The following RAB44 variants were observed in gnomAD, a reference collection of about 807,000 sequenced individuals.
RAB44 encodes the protein ras-related protein Rab-44.
RAB44 carries 67 observed loss-of-function variants against 93.3 expected under a neutral mutation model. The observed-to-expected ratio is 0.72, with a 90% CI of 0.59 to 0.88. The LOEUF (loss-of-function observed/expected upper bound fraction) is 0.88. Among genes scored for constraint, RAB44 ranks in the 40% least tolerant of loss-of-function variants. The pLI, the probability that RAB44 is intolerant of heterozygous loss-of-function variation, is 0.00. For missense variants in RAB44, 1,064 were observed against 1,261.7 expected (o/e 0.84, Z 2.37); for synonymous variants, 427 against 520.3 (o/e 0.82, Z 2.44).
At position 36,725,922 on chromosome 6, in the gene RAB44, G is replaced by T; in HGVS notation, c.2660G>T (p.Trp887Leu). The change falls in exon 10 of 14, where the codon TGG becomes TTG. Residue 887 changes from tryptophan to leucine, a missense_variant. Trp to Leu is a moderately conservative substitution (Grantham distance 61). Transcript: ENST00000612677. Reference protein sequence around the residue: ...VDNKCFVLQLWDTAGQERYHS... With the variant: ...VDNKCFVLQLLDTAGQERYHS... ...AACAAGTGCTTTGTGCTGCAGCTCT[G>T]GGACACAGCTGGCCAAGAGAGGTAA... The T allele has an allele frequency of 6.4e-7, 1 of 1,550,666 alleles. No homozygotes were observed.
At position 36,715,703 on chromosome 6, in the gene RAB44, C is replaced by T. The variant is rs776701194; in HGVS notation, c.494+50C>T. On this transcript the variant is annotated intron_variant, in intron 4 of 13. Coordinates refer to ENST00000612677, the MANE Select transcript of RAB44 (RefSeq NM_001257357.2). ...GGGGAGAGGCTCTGCCAGCCATTGA[C>T]GGCAGGGGCTTTCCTGGACACAGCA... 266 of 1,515,418 alleles carry T rather than the reference C, an allele frequency of 1.8e-4. 1 individual carries two copies. Among genetic ancestry groups the T allele is most frequent in the South Asian group, 7.7e-4 (64 of 82,818 alleles). 93.9% of individuals were successfully genotyped at this position (1,515,418 alleles called of 1,614,324 possible).
rs1423971875 is a variant in RAB44 at position 36,721,743 on chromosome 6, C to T, written c.1609C>T (p.Pro537Ser). The T allele has an allele frequency of 1.8e-4, 226 of 1,234,328 alleles. No individual in the cohort carries two copies. Among genetic ancestry groups the T allele is most frequent in the Non-Finnish European group, 2.2e-4 (222 of 988,270 alleles). 76.5% of individuals were successfully genotyped at this position (1,234,328 alleles called of 1,614,324 possible). The change falls in exon 9 of 14, where the codon CCT becomes TCT. Residue 537 changes from proline (P) to serine (S), a missense_variant. Pro to Ser is a moderately conservative substitution (Grantham distance 74). Coordinates refer to ENST00000612677, the MANE Select transcript of RAB44 (RefSeq NM_001257357.2). ...TGACAAGGGCCCTGGGTCTTGGGCT[C>T]CTCCCAGCGGGGCTCAGCCTGGGGC... is the stretch of plus-strand genomic sequence containing the variant. ...PDDKGPGSWA[P>S]PSGAQPGAGA...
intron 1 of RAB44, among the ~76,000 whole-genome samples, chr6:36,702,536 C>A (rs942528336): frequency 2.6e-5 from 4 of 152,226 alleles, no homozygotes; most frequent in Admixed American, 2.0e-4. Flanking sequence ...TCGGCCTCAA[C>A]AGAGAATGCC....
In RAB44 at chr6:36,721,458, G is replaced by T. The variant is rs796830000; in HGVS notation, c.1324G>T (p.Ala442Ser). Residue 442 changes from alanine (A) to serine (S), a missense_variant, in exon 9 of 14, where the codon GCC becomes TCC. Ala to Ser is a moderately conservative substitution (Grantham distance 99). Transcript: ENST00000612677. Reference protein sequence around the residue: ...PRTPPGVTFSAKDNKGVDPHE... With the variant: ...PRTPPGVTFSSKDNKGVDPHE... Reference sequence around the variant, plus strand: ...GACCCCACCTGGGGTGACTTTCAGCGCCAAGGACAATAAAGGAGTGGACCC... The same window carrying T: ...GACCCCACCTGGGGTGACTTTCAGCTCCAAGGACAATAAAGGAGTGGACCC... 15 of 1,234,398 alleles carry T rather than the reference G, an allele frequency of 1.2e-5. No homozygotes were observed. Among genetic ancestry groups the T allele is most frequent in the Non-Finnish European group, 1.4e-5 (14 of 988,228 alleles). 76.5% of individuals were successfully genotyped at this position (1,234,398 alleles called of 1,614,324 possible).
chr6:36,698,506 G>A (rs556492879), intron 1 of RAB44, among the ~76,000 whole-genome samples: 5 of 152,166 alleles, frequency 3.3e-5, no homozygotes, highest in East Asian at 1.9e-4. Context: ...GTGGATTCCC[G>A]CAGGTGCTTG....
chr6:36,703,293 C>T (rs1487697319), intron 1 of RAB44, among the ~76,000 whole-genome samples: 1 of 152,226 alleles, frequency 6.6e-6, no homozygotes, highest in Non-Finnish European at 1.5e-5. Context: ...CATCGCCCAA[C>T]ACTGCTTCAC....
In RAB44 at chr6:36,721,946, C is replaced by A. The variant is rs966600083; in HGVS notation, c.1812C>A (p.Thr604=). 1.8e-5 allele frequency: 22 copies of A among 1,234,516 alleles called. No individual in the cohort carries two copies. The African/African-American group carries it at 2.9e-4, about 17-fold the overall frequency. The allele number at this position is 1,234,516 out of a possible 1,614,324, so 76.5% of individuals were successfully genotyped here. ...HATGSEPRLG[T]QRARALTLGP... ...CTGGCTCTGAGCCAAGACTGGGGAC[C>A]CAGAGGGCTAGAGCCCTCACCCTGG... Residue 604 remains threonine, a synonymous_variant, in exon 9 of 14, where the codon ACC becomes ACA. Coordinates refer to ENST00000612677, the MANE Select transcript of RAB44 (RefSeq NM_001257357.2).
intron 2 of RAB44, among the ~76,000 whole-genome samples, chr6:36,707,195 C>A (rs114188261): frequency 6.6e-6 from 1 of 151,852 alleles, no homozygotes; most frequent in Non-Finnish European, 1.5e-5. Flanking sequence ...TGGCTATTTT[C>A]TGTATTCCTA....
chr6:36,712,281 T>A (rs763423071), intron 2 of RAB44, among the ~76,000 whole-genome samples: 43 of 152,082 alleles, frequency 2.8e-4, no homozygotes, highest in Non-Finnish European at 5.9e-4. Flanking sequence ...CCAGCCTGAA[T>A]GACAGTAAAC....
chr6:36,708,581 G>A (rs1306512410), intron 2 of RAB44, among the ~76,000 whole-genome samples: 3 of 152,014 alleles, frequency 2.0e-5, no homozygotes, highest in Non-Finnish European at 4.4e-5. Flanking sequence ...TTTAATCGAA[G>A]TAATAATAAA....
At chr6:36,724,820 T>C (rs189335360) in intron 9 of RAB44, among the ~76,000 whole-genome samples, 1 of 152,268 alleles carries the variant, frequency 6.6e-6, no homozygotes, top group Non-Finnish European at 1.5e-5. Flanking sequence ...TTTTCTGGTT[T>C]AAATACCACA....
intron 9 of RAB44, among the ~76,000 whole-genome samples, chr6:36,725,452 G>A (rs1030132298): frequency 1.3e-5 from 2 of 152,240 alleles, no homozygotes; most frequent in African/African-American, 4.8e-5. Flanking sequence ...CTGAGGTCCT[G>A]TAACCAGTGT....
chr6:36,704,187 T>C (rs567937255), intron 1 of RAB44, 37 bp from the exon 2 acceptor site: 3 of 1,504,330 alleles, frequency 2.0e-6, no homozygotes, highest in African/African-American at 1.4e-5. Context: ...GGCGTGACTG[T>C]CCAGCAGCCC....
Position 36,715,531 on chromosome 6 carries a change from A to G in RAB44, c.372A>G (p.Pro124=), listed in dbSNP as rs1158037543. The change falls in exon 4 of 14, where the codon CCA becomes CCG. Residue 124 remains proline, a synonymous_variant. Coordinates refer to ENST00000612677, the MANE Select transcript of RAB44 (RefSeq NM_001257357.2). ...QSPHRLRRRK[P]LPSKRVSATT... ...CCCACAGGCTCCGCAGAAGGAAGCC[A>G]CTGCCCTCTAAGCGGGTATCTGCTA... The G allele has an allele frequency of 2.6e-6, 4 of 1,536,068 alleles. No homozygotes were observed. Among genetic ancestry groups the G allele is most frequent in the Non-Finnish European group, 3.5e-6 (4 of 1,146,910 alleles).
At chr6:36,714,739 C>T (rs549199359) in intron 3 of RAB44, among the ~76,000 whole-genome samples, 94 of 152,344 alleles carry the variant, frequency 6.2e-4, no homozygotes, top group South Asian at 3.9e-3. Context: ...ATTCCTGAAT[C>T]GAATCATGCC....
At chr6:36,714,740 G>A (rs1327576705) in intron 3 of RAB44, among the ~76,000 whole-genome samples, 4 of 152,200 alleles carry the variant, frequency 2.6e-5, no homozygotes, top group Non-Finnish European at 2.9e-5. Flanking sequence ...TTCCTGAATC[G>A]AATCATGCCC....
chr6:36,729,082 A>G (rs1582647862), intron 12 of RAB44, among the ~76,000 whole-genome samples: 2 of 152,268 alleles, frequency 1.3e-5, no homozygotes, highest in South Asian at 2.1e-4. Flanking sequence ...TTCCCACACC[A>G]TGTCCCCACC....
chr6:36,699,432 G>A (rs1762460792), intron 1 of RAB44, among the ~76,000 whole-genome samples: 1 of 152,144 alleles, frequency 6.6e-6, no homozygotes. Flanking sequence ...CTTTGCTTCT[G>A]GAGGCTTCTG....
chr6:36,722,505 C>T lies in RAB44; in HGVS notation c.2371C>T (p.His791Tyr), dbSNP rs748108560. Residue 791 changes from histidine to tyrosine, a missense_variant, in exon 9 of 14, where the codon CAC becomes TAC. Coordinates refer to ENST00000612677, the MANE Select transcript of RAB44 (RefSeq NM_001257357.2). ...TCACGCAGAAGAACAAGGCCCGCCT[C>T]ACTCCAGGGAACCAAGGGCAGAGAG... ...TAHAEEQGPP[H>Y]SREPRAESRL... The T allele has an allele frequency of 8.3e-5, 125 of 1,502,142 alleles. No homozygotes were observed. The highest frequency in any genetic ancestry group is 9.2e-5 in the Non-Finnish European group (103 of 1,123,988). The allele number at this position is 1,502,142 out of a possible 1,614,324, so 93.1% of individuals were successfully genotyped here.
Sources: gnomAD v4.1 joint callset for allele counts (sites outside exome capture counted in the v4.1 genomes callset) on GRCh38, gnomAD v4.1.1 for gene constraint, MANE v1.5 for transcripts, NCBI Gene and HGNC (gene_info 2026-07-23, HGNC 2026-07-21) for gene names.